Variants in HDAC4 observed in about 807,000 individuals in gnomAD.
The protein encoded by HDAC4 is histone deacetylase 4.
A neutral mutation model predicts 135.1 loss-of-function variants in HDAC4; 16 were observed. That is an observed-to-expected ratio of 0.12 (90% CI 0.08 to 0.18). The LOEUF (loss-of-function observed/expected upper bound fraction) is 0.18, where lower values mean the gene tolerates loss of function less well. Among genes scored for constraint, HDAC4 ranks in the 10% least tolerant of loss-of-function variants. The pLI is 1.00. For synonymous variants in HDAC4, 685 were observed against 653.4 expected (o/e 1.05, Z -0.74); for missense variants, 1,143 against 1,511.8 (o/e 0.76, Z 4.05).
At chr2:239,174,400 C>A (rs552330894) in intron 5 of HDAC4, among the ~76,000 whole-genome samples, 1 of 39,674 alleles carries the variant, frequency 2.5e-5, no homozygotes, top group African/African-American at 7.9e-5. Context: ...AATATTCATT[C>A]GGCAAAAAAA....
chr2:239,261,345 C>T lies in HDAC4; in HGVS notation c.23-24681G>A, dbSNP rs554518586. Among the ~76,000 whole-genome samples the T allele has an allele frequency of 9.8e-5, 15 of 152,294 alleles. No individual in the cohort carries two copies. The South Asian group carries it at 3.1e-3, about 32-fold the overall frequency. ...ACTAAGGAGGGCGTACAGAAGGCAC[C>T]AAGTCCAGAACTCCACCCCAGCAGC... is the stretch of plus-strand genomic sequence containing the variant. On this transcript the variant is annotated intron_variant, in intron 2 of 26. Transcript: ENST00000543185.
At chr2:239,251,789 C>T (rs1045690509) in intron 2 of HDAC4, among the ~76,000 whole-genome samples, 2 of 152,034 alleles carry the variant, frequency 1.3e-5, no homozygotes, top group African/African-American at 4.8e-5. Context: ...AATAGTACTC[C>T]AGCACACTCC....
At chr2:239,072,901 C>G (rs2034342271) in intron 22 of HDAC4, among the ~76,000 whole-genome samples, 2 of 152,194 alleles carry the variant, frequency 1.3e-5, no homozygotes, top group Non-Finnish European at 1.5e-5. Flanking sequence ...AGGTGAAGAT[C>G]CCGCGGGCTA....
intron 2 of HDAC4, among the ~76,000 whole-genome samples, chr2:239,336,002 T>A (rs1691910109): frequency 6.6e-6 from 1 of 152,212 alleles, no homozygotes; most frequent in African/African-American, 2.4e-5. Flanking sequence ...ATTGAACCAA[T>A]AAATAATTTG....
chr2:239,204,453 C>T (rs558189104), intron 3 of HDAC4, among the ~76,000 whole-genome samples: 15 of 152,324 alleles, frequency 9.8e-5, no homozygotes, highest in South Asian at 6.2e-4. Flanking sequence ...ATGTCAGGAA[C>T]GGCAGGTAGC....
intron 12 of HDAC4, among the ~76,000 whole-genome samples, chr2:239,120,735 G>C (rs11696040): frequency 1.7e-4 from 26 of 152,094 alleles, no homozygotes; most frequent in Non-Finnish European, 3.1e-4. Context: ...TAGCAGCCCA[G>C]GGGCCATTCT....
intron 2 of HDAC4, among the ~76,000 whole-genome samples, chr2:239,243,403 C>T (rs1456655460): frequency 2.0e-5 from 3 of 152,298 alleles, no homozygotes; most frequent in Non-Finnish European, 2.9e-5. Context: ...CCGCCTGCCT[C>T]GGCCTCCCAA....
Position 239,072,221 on chromosome 2 carries a change from A to G in HDAC4, c.2751-3614T>C, listed in dbSNP as rs138357384. Among the ~76,000 whole-genome samples, 37 of 152,308 alleles carry G rather than the reference A, an allele frequency of 2.4e-4. 2 individuals are homozygous for G. The East Asian group carries it at 7.1e-3, about 29-fold the overall frequency. The stretch of plus-strand genomic sequence containing the variant: ...TTTTATCCTTGGTGCCTCAAACTAG[A>G]TCCTGTCCAGATATAACACGTTAGT... On this transcript the variant is annotated intron_variant, in intron 22 of 26. Coordinates refer to ENST00000543185, the MANE Select transcript of HDAC4 (RefSeq NM_001378414.1).
chr2:239,175,351 G>A (rs1393716943), intron 5 of HDAC4, among the ~76,000 whole-genome samples: 13 of 152,252 alleles, frequency 8.5e-5, no homozygotes, highest in Non-Finnish European at 1.0e-4. Context: ...ACACGCCAGG[G>A]CTCAGACACA....
At chr2:239,088,391 C>T (rs530613159) in intron 18 of HDAC4, among the ~76,000 whole-genome samples, 10 of 152,310 alleles carry the variant, frequency 6.6e-5, no homozygotes, top group Admixed American at 5.9e-4. Context: ...CAGGAAGGGG[C>T]GAGGGCAGCC....
chr2:239,087,172 G>A (rs2036055028), intron 19 of HDAC4, among the ~76,000 whole-genome samples: 2 of 152,200 alleles, frequency 1.3e-5, no homozygotes, highest in African/African-American at 4.8e-5. Context: ...CAGGCATTCG[G>A]CAGGCAGCTA....
chr2:239,394,699 A>G (rs1696450663), intron 1 of HDAC4, among the ~76,000 whole-genome samples: 1 of 152,260 alleles, frequency 6.6e-6, no homozygotes, highest in Admixed American at 6.5e-5. Flanking sequence ...AGCACTGGCA[A>G]GAACCCCGCA....
chr2:239,282,859 T>C (rs2125402283), intron 2 of HDAC4, among the ~76,000 whole-genome samples: 2 of 139,914 alleles, frequency 1.4e-5, no homozygotes, highest in South Asian at 4.5e-4. Context: ...CACTCTACAA[T>C]GTACACACCA....
intron 2 of HDAC4, among the ~76,000 whole-genome samples, chr2:239,351,985 G>C (rs940707439): frequency 1.3e-5 from 2 of 152,114 alleles, no homozygotes; most frequent in African/African-American, 4.8e-5. Context: ...GTTTCATTAT[G>C]GTGCACGCTC....
chr2:239,382,384 T>C (rs558124292), intron 1 of HDAC4, among the ~76,000 whole-genome samples: 1 of 152,390 alleles, frequency 6.6e-6, no homozygotes, highest in Non-Finnish European at 1.5e-5. Context: ...CAACTGCTTA[T>C]TTGTATTGCT....
chr2:239,068,363 C>A lies in HDAC4; in HGVS notation c.2869+126G>T, dbSNP rs1039058527. 1.4e-6 allele frequency: 1 copy of A among 725,810 alleles called. No individual in the cohort carries two copies. The highest frequency in any genetic ancestry group is 1.6e-5 in the South Asian group (1 of 61,306). The allele number at this position is 725,810 out of a possible 1,614,324, so 45.0% of individuals were successfully genotyped here. On this transcript the variant is annotated intron_variant, in intron 23 of 26. Coordinates refer to ENST00000543185, the MANE Select transcript of HDAC4 (RefSeq NM_001378414.1). This position sits in a 1 kb window ranked among gnomAD's most constrained non-coding sequence, Gnocchi z 4.4. ...GGACTGGTTCCCAGTACGGTCAGAA[C>A]CTTGGTCATTAGTAAAAAGGTGCCC...
At position 239,192,998 on chromosome 2, in the gene HDAC4, T is replaced by A. The variant is rs184212812; in HGVS notation, c.95-2921A>T. On this transcript the variant is annotated intron_variant, in intron 3 of 26. Transcript: ENST00000543185. ...TGAAACTGGTCTCTCTCATATTCTT[T>A]CTGTTTGGTCAAACAGAGACATTTT... is the stretch of plus-strand genomic sequence containing the variant. Among the ~76,000 whole-genome samples, 50 of 152,382 alleles carry A rather than the reference T, an allele frequency of 3.3e-4. No homozygotes were observed. The East Asian group carries it at 9.6e-3, about 29-fold the overall frequency.
At chr2:239,276,574 C>T (rs2050378387) in intron 2 of HDAC4, among the ~76,000 whole-genome samples, 3 of 152,208 alleles carry the variant, frequency 2.0e-5, no homozygotes, top group South Asian at 2.1e-4. Flanking sequence ...GATGAGACAC[C>T]GATACACCGC....
chr2:239,084,763 C>T (rs925278064), intron 19 of HDAC4, among the ~76,000 whole-genome samples: 1 of 146,966 alleles, frequency 6.8e-6, no homozygotes, highest in African/African-American at 2.5e-5. Context: ...CAGACACACA[C>T]CCCACACACA....
Sources: allele counts gnomAD v4.1 joint callset (sites outside exome capture counted in the v4.1 genomes callset), GRCh38; gene constraint gnomAD v4.1.1; non-coding constraint Gnocchi (gnomAD v3.1); transcripts MANE v1.5; gene names NCBI Gene and HGNC (gene_info 2026-07-23, HGNC 2026-07-21).